Variants in EED observed in about 807,000 individuals in gnomAD.
The protein encoded by EED is embryonic ectoderm development, also known as polycomb protein EED.
In EED, 9 loss-of-function variants were observed where a neutral mutation model predicts 61.0. The observed-to-expected ratio is 0.15, with a 90% CI of 0.09 to 0.26. The LOEUF (loss-of-function observed/expected upper bound fraction) is 0.26. EED is among the 10% of genes least tolerant of loss of function. The pLI is 1.00. For missense variants in EED, 315 were observed against 542.3 expected (o/e 0.58, Z 4.16); for synonymous variants, 187 against 174.4 (o/e 1.07, Z -0.57).
At chr11:86,251,408 A>C (rs966179356) in intron 2 of EED, among the ~76,000 whole-genome samples, 1 of 152,320 alleles carries the variant, frequency 6.6e-6, no homozygotes, top group East Asian at 1.9e-4. Flanking sequence ...CAGTATTTCA[A>C]AATCCTAAAG....
downstream of EED, among the ~76,000 whole-genome samples, chr11:86,279,711 G>A (rs1946301679): frequency 6.6e-6 from 1 of 152,198 alleles, no homozygotes; most frequent in Non-Finnish European, 1.5e-5. Flanking sequence ...ATCTTGTACA[G>A]TGTTTGATAC....
chr11:86,268,383 C>A, intron 8 of EED, 73 bp from the exon 9 acceptor site: 2 of 1,021,522 alleles, frequency 2.0e-6, no homozygotes, highest in Admixed American at 2.6e-5. Flanking sequence ...TTTTATAAAT[C>A]CAAAAATGAA....
chr11:86,279,819 G>C (rs1180721568), downstream of EED, among the ~76,000 whole-genome samples: 2 of 152,176 alleles, frequency 1.3e-5, no homozygotes, highest in African/African-American at 4.8e-5. Context: ...GCCTTTTACT[G>C]TCTTGGTCCA....
At chr11:86,254,292 CTTATT>C (rs1406112839) in intron 3 of EED, among the ~76,000 whole-genome samples, 5 of 149,954 alleles carry the variant, frequency 3.3e-5, no homozygotes, top group Non-Finnish European at 7.4e-5. Context: ...TATCCAAAGA[CTTATT>C]TTTATTTGAA....
chr11:86,274,531 G>A lies in EED; in HGVS notation c.967-2449G>A, dbSNP rs920637155. 8.5e-5 allele frequency among the ~76,000 whole-genome samples: 13 copies of A among 152,246 alleles called. No homozygotes were observed. In the East Asian group the frequency reaches 1.9e-3, roughly 23 times the overall value. ...ACCTTTTCAGCTGGGGAAGGGAGGC[G>A]CATTGTGTTGTGCCAGATTGGGGTG... On this transcript the variant is annotated intron_variant, in intron 9 of 11. Transcript: ENST00000263360.
intron 3 of EED, 25 bp downstream of exon 3, chr11:86,252,265 T>C (rs776517486): frequency 1.3e-6 from 2 of 1,511,394 alleles, no homozygotes; most frequent in Non-Finnish European, 9.0e-7. Flanking sequence ...GTCTATTTAG[T>C]ATTTGGCTTG....
intron 9 of EED, 61 bp downstream of exon 9, chr11:86,268,622 TGTGTATGTGTGTGC>T (rs1946041425): frequency 4.4e-6 from 5 of 1,148,140 alleles, no homozygotes; most frequent in Admixed American, 4.8e-5. Flanking sequence ...TGTGTGTGTG[TGTGTATGTGTGTGC>T]GCATGTTGGA....
At chr11:86,281,195 G>T (rs116050911), downstream of EED, among the ~76,000 whole-genome samples, 1,011 of 152,252 alleles carry the variant, frequency 6.6e-3, 13 homozygotes, top group African/African-American at 0.023. Context: ...AGTATTCCTT[G>T]CTCTTCATTT....
At chr11:86,270,278 T>G in intron 9 of EED, 1 of 476,582 alleles carries the variant, frequency 2.1e-6, no homozygotes, top group Non-Finnish European at 3.8e-6. Flanking sequence ...TGTGCTTATT[T>G]ACCATTCGTA....
chr11:86,258,850 C>T (rs899543919), intron 6 of EED, among the ~76,000 whole-genome samples: 1 of 148,550 alleles, frequency 6.7e-6, no homozygotes, highest in African/African-American at 2.5e-5. Flanking sequence ...GCCACTGCGT[C>T]CTGCCTCTAT....
At chr11:86,283,685 C>T (rs949578838), downstream of EED, among the ~76,000 whole-genome samples, 5 of 152,156 alleles carry the variant, frequency 3.3e-5, no homozygotes, top group South Asian at 2.1e-4. Context: ...AAAAATTCAA[C>T]GGACGGGTTA....
At chr11:86,245,648 G>A (rs1267413706) in intron 1 of EED, among the ~76,000 whole-genome samples, 2 of 151,970 alleles carry the variant, frequency 1.3e-5, no homozygotes, top group Non-Finnish European at 2.9e-5. Context: ...GGGAGAGTGC[G>A]GGTCTGAGAT....
chr11:86,268,259 A>G (rs1364696148), intron 8 of EED, 197 bp from the exon 9 acceptor site: 1 of 450,106 alleles, frequency 2.2e-6, no homozygotes, highest in Non-Finnish European at 3.9e-6. Context: ...TTGGATAATA[A>G]TGGAGAAAAA....
intron 8 of EED, chr11:86,268,155 A>T: frequency 5.3e-6 from 1 of 189,084 alleles, no homozygotes; most frequent in Non-Finnish European, 1.1e-5. Flanking sequence ...TAGGGTACCC[A>T]GAATTGAGGT....
chr11:86,286,522 A>G, the EED span, among the ~76,000 whole-genome samples: 5,024 of 152,324 alleles, frequency 0.033, 264 homozygotes, highest in African/African-American at 0.11. Context: ...AGTCTAAAGA[A>G]ATGATGGTCA....
At chr11:86,265,993 C>G in intron 7 of EED, 90 bp from the exon 8 acceptor site, 1 of 1,106,066 alleles carries the variant, frequency 9.0e-7, no homozygotes, top group South Asian at 1.6e-5. Context: ...ATTTGAAATA[C>G]AGTTTTCACT....
At chr11:86,246,776 G>C (rs1336888786) in intron 1 of EED, among the ~76,000 whole-genome samples, 2 of 152,128 alleles carry the variant, frequency 1.3e-5, no homozygotes, top group South Asian at 2.1e-4. Context: ...CACAGATGCT[G>C]GATCCAAGTG....
chr11:86,260,790 A>G (rs1320252178), intron 6 of EED, among the ~76,000 whole-genome samples: 1 of 152,226 alleles, frequency 6.6e-6, no homozygotes, highest in East Asian at 1.9e-4. Flanking sequence ...TAGGTTATTT[A>G]AAGAAAGTTA....
chr11:86,268,603 G>GTGTGTGTC (rs771236005), intron 9 of EED, 42 bp downstream of exon 9: 1 of 1,094,716 alleles, frequency 9.1e-7, no homozygotes, highest in Non-Finnish European at 1.3e-6. Flanking sequence ...TCGTGTGTGT[G>GTGTGTGTC]TGTGTGTGTG....
Sources: allele counts gnomAD v4.1 joint callset (sites outside exome capture counted in the v4.1 genomes callset), GRCh38; gene constraint gnomAD v4.1.1; transcripts MANE v1.5; gene names NCBI Gene and HGNC (gene_info 2026-07-23, HGNC 2026-07-21).